Variants in ADGRL2 observed in about 807,000 individuals in gnomAD.
ADGRL2 encodes the protein calcium-independent alpha-latrotoxin receptor 2.
Under a neutral mutation model 157.4 loss-of-function variants are expected in ADGRL2, and 44 were observed. The observed-to-expected ratio is 0.28, with a 90% confidence interval of 0.22 to 0.36. The LOEUF is 0.36. Among genes scored for constraint, ADGRL2 ranks in the 10% least tolerant of loss-of-function variants. The probability of loss-of-function intolerance (pLI) is 1.00; values close to 1 mark genes in which losing one functional copy is unlikely to be tolerated. For synonymous variants in ADGRL2, 585 were observed against 624.7 expected (o/e 0.94, Z 0.95); for missense variants, 1,510 against 1,768.9 (o/e 0.85, Z 2.63).
chr1:81,345,896 C>A (rs974315180), intron 1 of ADGRL2, among the ~76,000 whole-genome samples: 1 of 152,004 alleles, frequency 6.6e-6, no homozygotes, highest in Non-Finnish European at 1.5e-5. Context: ...AACTAAGTAC[C>A]ATTTCAAAAG....
chr1:81,348,510 A>G (rs1662644524), intron 1 of ADGRL2, among the ~76,000 whole-genome samples: 1 of 152,166 alleles, frequency 6.6e-6, no homozygotes, highest in African/African-American at 2.4e-5. Context: ...CAATTTTATT[A>G]AACGCTTCAG....
chr1:81,527,310 T>C (rs533934000), intron 2 of ADGRL2, among the ~76,000 whole-genome samples: 1 of 152,122 alleles, frequency 6.6e-6, no homozygotes, highest in Non-Finnish European at 1.5e-5. Flanking sequence ...CCAAAATTCA[T>C]ATGTTGAAAC....
Position 81,993,909 on chromosome 1 carries a change from T to A in ADGRL2, c.*2764T>A. The A allele has an allele frequency of 5.0e-6, 1 of 201,804 alleles. No homozygotes were observed. Among genetic ancestry groups the A allele is most frequent in the South Asian group, 7.3e-5 (1 of 13,678 alleles). The allele number at this position is 201,804 out of a possible 1,614,324, so 12.5% of individuals were successfully genotyped here. A position where few individuals can be genotyped will look rare whatever the true frequency, so the allele number is the denominator to read the frequency against. On this transcript the variant is annotated 3_prime_UTR_variant, in exon 24 of 24. Coordinates refer to ENST00000686636, the MANE Select transcript of ADGRL2 (RefSeq NM_001366006.2). ...TCTTTATTAAAAATAATAATAATAA[T>A]AATAAACGTTATCTTGTTGGCCAGA...
intron 3 of ADGRL2, among the ~76,000 whole-genome samples, chr1:81,588,090 A>G (rs2081062846): frequency 6.6e-6 from 1 of 151,616 alleles, no homozygotes; most frequent in African/African-American, 2.4e-5. Flanking sequence ...CAGAATAGGC[A>G]GAAGCAGGGA....
chr1:81,845,421 G>C (rs553030611), intron 2 of ADGRL2, among the ~76,000 whole-genome samples: 1 of 152,086 alleles, frequency 6.6e-6, no homozygotes, highest in Non-Finnish European at 1.5e-5. Context: ...TTTTTGAAGA[G>C]TTAAACCTAT....
chr1:81,655,240 T>C (rs1178215760), intron 3 of ADGRL2, among the ~76,000 whole-genome samples: 2 of 152,182 alleles, frequency 1.3e-5, no homozygotes, highest in African/African-American at 4.8e-5. Flanking sequence ...GACTTCGTGA[T>C]CCGCCCGCCT....
chr1:81,733,466 C>T lies in ADGRL2; in HGVS notation c.-142-28345C>T, dbSNP rs548740940. Among the ~76,000 whole-genome samples, 74 of 152,296 alleles carry T rather than the reference C, an allele frequency of 4.9e-4. No homozygotes were observed. The Middle Eastern group carries it at 0.014, about 28-fold the overall frequency. Reference sequence around the variant, plus strand: ...CACTGTTCTCACCTGGTCTTTCCTCCATGTGCAAGTACCTCAGGTGTCTCC... The same window carrying T: ...CACTGTTCTCACCTGGTCTTTCCTCTATGTGCAAGTACCTCAGGTGTCTCC... On this transcript the variant is annotated intron_variant, in intron 1 of 20. Transcript: ENST00000359929.
At chr1:81,314,895 A>G (rs1660003552) in intron 1 of ADGRL2, among the ~76,000 whole-genome samples, 1 of 152,192 alleles carries the variant, frequency 6.6e-6, no homozygotes, top group East Asian at 1.9e-4. Flanking sequence ...GCTGAGTAAA[A>G]TAATAAAAAT....
chr1:81,403,173 T>C (rs2076787136), intron 1 of ADGRL2, among the ~76,000 whole-genome samples: 1 of 151,880 alleles, frequency 6.6e-6, no homozygotes. Flanking sequence ...AATCCCAGAA[T>C]AGTAACAATA....
chr1:81,385,138 A>C lies in ADGRL2; in HGVS notation c.-301-59898A>C, dbSNP rs536544643. 3.3e-5 allele frequency among the ~76,000 whole-genome samples: 5 copies of C among 152,262 alleles called. No individual in the cohort carries two copies. In the East Asian group the frequency reaches 9.7e-4, roughly 29 times the overall value. On this transcript the variant is annotated intron_variant, in intron 1 of 24. Coordinates refer to the ADGRL2 transcript ENST00000370721. ...TCTGCACACCTGGAGAGAATACTTA[A>C]ATTTTATCAATACTATTTCCACATT...
intron 11 of ADGRL2, among the ~76,000 whole-genome samples, chr1:81,964,218 G>A (rs942283369): frequency 6.6e-6 from 1 of 151,910 alleles, no homozygotes; most frequent in Admixed American, 6.6e-5. Flanking sequence ...GTAAATATTT[G>A]TTTAATGCAA....
At chr1:81,544,417 T>G (rs569652942) in intron 2 of ADGRL2, among the ~76,000 whole-genome samples, 28 of 152,338 alleles carry the variant, frequency 1.8e-4, no homozygotes, top group African/African-American at 6.3e-4. Flanking sequence ...GTGTTTGTTA[T>G]AGTTACTTAT....
At position 81,508,350 on chromosome 1, in the gene ADGRL2, C is replaced by G. The variant is rs117899312; in HGVS notation, c.-248+63261C>G. 1.5e-3 allele frequency among the ~76,000 whole-genome samples: 228 copies of G among 152,298 alleles called. 2 individuals are homozygous for G. The highest frequency in any genetic ancestry group is 0.012 in the East Asian group (61 of 5,166). On this transcript the variant is annotated intron_variant, in intron 2 of 24. Transcript: ENST00000370721. The stretch of plus-strand genomic sequence containing the variant: ...TGTTGCCTTATATTTTAGTTACCTT[C>G]TATGTTATCATCATCACCCCTACCT...
intron 1 of ADGRL2, among the ~76,000 whole-genome samples, chr1:81,742,207 T>C (rs1253573546): frequency 1.3e-5 from 2 of 151,990 alleles, no homozygotes; most frequent in Admixed American, 6.6e-5. Flanking sequence ...ACCTAGTTCG[T>C]TGGGCATAAA....
chr1:81,882,534 AGAGTGAG>A (rs1557838569), intron 2 of ADGRL2, among the ~76,000 whole-genome samples: 1 of 152,178 alleles, frequency 6.6e-6, no homozygotes, highest in Non-Finnish European at 1.5e-5. Flanking sequence ...TATGGTTAGA[AGAGTGAG>A]GGATGGAATG....
At chr1:81,431,900 C>T (rs2077328882) in intron 1 of ADGRL2, among the ~76,000 whole-genome samples, 1 of 152,194 alleles carries the variant, frequency 6.6e-6, no homozygotes, top group South Asian at 2.1e-4. Context: ...TTCATCACCA[C>T]ACAATTGGGC....
intron 3 of ADGRL2, among the ~76,000 whole-genome samples, chr1:81,912,077 T>A (rs1424634380): frequency 8.0e-5 from 12 of 149,548 alleles, no homozygotes; most frequent in African/African-American, 3.0e-4. Context: ...TTTTTTATTT[T>A]TTATTTTTTT....
chr1:81,666,217 C>T (rs937881826), intron 3 of ADGRL2, among the ~76,000 whole-genome samples: 1 of 152,140 alleles, frequency 6.6e-6, no homozygotes. Flanking sequence ...CTCCGTGTGG[C>T]CCATAGATGA....
intron 3 of ADGRL2, among the ~76,000 whole-genome samples, chr1:81,581,150 TTA>T (rs1252640861): frequency 1.5e-4 from 23 of 152,170 alleles, no homozygotes; most frequent in Non-Finnish European, 2.1e-4. Context: ...CTTAAATATT[TTA>T]TGAGTCACTC....
Sources: allele counts gnomAD v4.1 joint callset (sites outside exome capture counted in the v4.1 genomes callset), GRCh38; gene constraint gnomAD v4.1.1; transcripts MANE v1.5; gene names NCBI Gene and HGNC (gene_info 2026-07-23, HGNC 2026-07-21).